Variants in ASAP1 observed in about 807,000 individuals in gnomAD.
The protein encoded by ASAP1 is ArfGAP with SH3 domain, ankyrin repeat and PH domain 1, also known as arf-GAP with SH3 domain, ANK repeat and PH domain-containing protein 1.
Under a neutral mutation model 145.2 loss-of-function variants are expected in ASAP1, and 43 were observed. That is an observed-to-expected ratio of 0.30 (90% CI 0.23 to 0.38). The LOEUF (loss-of-function observed/expected upper bound fraction) is 0.38. Among genes scored for constraint, ASAP1 ranks in the 10% least tolerant of loss-of-function variants. The pLI is 1.00. For missense variants in ASAP1, 1,018 were observed against 1,355.3 expected (o/e 0.75, Z 3.91); for synonymous variants, 546 against 515.5 (o/e 1.06, Z -0.80).
At chr8:130,255,600 T>TA (rs1360302375) in intron 3 of ASAP1, among the ~76,000 whole-genome samples, 1 of 152,208 alleles carries the variant, frequency 6.6e-6, no homozygotes, top group African/African-American at 2.4e-5. Flanking sequence ...GTACTGATTA[T>TA]AAAAGCCTAA....
intron 1 of ASAP1, among the ~76,000 whole-genome samples, chr8:130,425,655 G>A (rs1829889994): frequency 6.6e-6 from 1 of 152,220 alleles, no homozygotes; most frequent in Admixed American, 6.5e-5. Context: ...GAGCACTGAA[G>A]ATGGCTCCAA....
chr8:130,141,728 A>G (rs548864475), intron 13 of ASAP1, among the ~76,000 whole-genome samples: 2 of 152,092 alleles, frequency 1.3e-5, no homozygotes, highest in South Asian at 2.1e-4. Flanking sequence ...AAAAATATGT[A>G]TTTTTTAGAG....
intron 29 of ASAP1, among the ~76,000 whole-genome samples, chr8:130,056,347 G>A (rs1404027228): frequency 6.6e-6 from 1 of 152,182 alleles, no homozygotes; most frequent in African/African-American, 2.4e-5. Context: ...GAGGCTGGAG[G>A]TACCCCTGGG....
intron 27 of ASAP1, among the ~76,000 whole-genome samples, chr8:130,061,781 C>G (rs74514929): frequency 6.6e-6 from 1 of 152,196 alleles, no homozygotes; most frequent in Non-Finnish European, 1.5e-5. Flanking sequence ...TTTAGGAAAG[C>G]TCCAAATCAG....
chr8:130,177,265 T>C (rs1439362998), intron 9 of ASAP1, among the ~76,000 whole-genome samples: 1 of 152,258 alleles, frequency 6.6e-6, no homozygotes, highest in Non-Finnish European at 1.5e-5. Flanking sequence ...CTAATATATG[T>C]ATACTTTACA....
chr8:130,318,188 C>A (rs764772714), intron 3 of ASAP1, among the ~76,000 whole-genome samples: 7 of 152,142 alleles, frequency 4.6e-5, no homozygotes, highest in Non-Finnish European at 1.0e-4. Flanking sequence ...CTCAAGTAAT[C>A]CTCCCACCTC....
chr8:130,312,795 T>C (rs746950631), intron 3 of ASAP1, among the ~76,000 whole-genome samples: 12 of 152,196 alleles, frequency 7.9e-5, no homozygotes, highest in African/African-American at 1.7e-4. Flanking sequence ...CCCCTAGAAA[T>C]AGTTGCTTAG....
At chr8:130,071,841 T>C (rs2097447260) in intron 27 of ASAP1, among the ~76,000 whole-genome samples, 1 of 152,214 alleles carries the variant, frequency 6.6e-6, no homozygotes. Flanking sequence ...TGATTGTGTA[T>C]ATATATGTTT....
At chr8:130,118,747 T>C in intron 18 of ASAP1, 72 bp from the exon 19 acceptor site, 1 of 1,137,592 alleles carries the variant, frequency 8.8e-7, no homozygotes, top group Non-Finnish European at 1.2e-6. Flanking sequence ...CTGACAAACA[T>C]TTCTCTTTGA....
intron 3 of ASAP1, among the ~76,000 whole-genome samples, chr8:130,325,766 C>T (rs1196616335): frequency 6.6e-6 from 1 of 152,158 alleles, no homozygotes. Context: ...ACTGTCTCTC[C>T]TACTTCTTAT....
chr8:130,288,790 G>A (rs1370021494), intron 3 of ASAP1, among the ~76,000 whole-genome samples: 1 of 152,214 alleles, frequency 6.6e-6, no homozygotes. Flanking sequence ...CTTATAGAAG[G>A]AAAGAAGGGA....
At chr8:130,067,391 C>A (rs2097432951) in intron 27 of ASAP1, among the ~76,000 whole-genome samples, 1 of 152,048 alleles carries the variant, frequency 6.6e-6, no homozygotes, top group African/African-American at 2.4e-5. Flanking sequence ...TATGTGATGC[C>A]CACTATTTTA....
chr8:130,306,038 A>C (rs1179193230), intron 3 of ASAP1, among the ~76,000 whole-genome samples: 2 of 152,214 alleles, frequency 1.3e-5, no homozygotes, highest in Non-Finnish European at 2.9e-5. Flanking sequence ...ATTAACTAGG[A>C]TTCTGGGATC....
At chr8:130,272,177 A>C (rs947115958) in intron 3 of ASAP1, among the ~76,000 whole-genome samples, 2 of 151,952 alleles carry the variant, frequency 1.3e-5, no homozygotes, top group Non-Finnish European at 2.9e-5. Flanking sequence ...AAACAAAAAC[A>C]AAAAATGGGC....
chr8:130,163,823 A>G (rs187186512), intron 11 of ASAP1, among the ~76,000 whole-genome samples: 1 of 152,356 alleles, frequency 6.6e-6, no homozygotes, highest in Admixed American at 6.5e-5. Context: ...AAACATAAAC[A>G]ATGAACTTAA....
At chr8:130,375,355 C>G (rs573967156) in intron 2 of ASAP1, among the ~76,000 whole-genome samples, 1 of 151,060 alleles carries the variant, frequency 6.6e-6, no homozygotes, top group Non-Finnish European at 1.5e-5. Flanking sequence ...AGGGGTCTGG[C>G]TATGGTTAGG....
At chr8:130,426,185 T>C (rs1829909932) in intron 1 of ASAP1, among the ~76,000 whole-genome samples, 1 of 152,142 alleles carries the variant, frequency 6.6e-6, no homozygotes, top group South Asian at 2.1e-4. Flanking sequence ...TTTAAAAGTG[T>C]GTGACAGCTT....
chr8:130,111,443 G>A (rs2097546700), intron 24 of ASAP1, among the ~76,000 whole-genome samples: 2 of 152,110 alleles, frequency 1.3e-5, no homozygotes, highest in Non-Finnish European at 2.9e-5. Flanking sequence ...CAGAACCTGG[G>A]TTAGAATCCC....
Position 130,125,993 on chromosome 8 carries a change from G to A in ASAP1, c.1478C>T (p.Ser493Phe). The A allele has an allele frequency of 6.2e-7, 1 of 1,613,960 alleles. No homozygotes were observed. The highest frequency in any genetic ancestry group is 8.5e-7 in the Non-Finnish European group (1 of 1,179,926). Residue 493 changes from serine to phenylalanine, a missense_variant, in exon 17 of 30, where the codon TCT (serine) becomes TTT (phenylalanine). Around this residue, in one of 9 missense-constraint regions of ASAP1, gnomAD observed 153 missense variants for 221.6 expected, o/e 0.69. Coordinates refer to ENST00000518721, the MANE Select transcript of ASAP1 (RefSeq NM_018482.4). The part of the protein sequence containing the change: ...EMGVHISRIQ[S>F]LELDKLGTSE... ...AGTTCCTAATTTGTCTAGTTCCAAA[G>A]ACTGAATGCGAGAAATATGAACCCC... is the stretch of plus-strand genomic sequence containing the variant.
Sources: allele counts gnomAD v4.1 joint callset (sites outside exome capture counted in the v4.1 genomes callset), GRCh38; gene constraint gnomAD v4.1.1; regional missense constraint gnomAD v4.1.1; transcripts MANE v1.5; gene names NCBI Gene and HGNC (gene_info 2026-07-23, HGNC 2026-07-21).